Variants in WDPCP observed in about 807,000 individuals in gnomAD.
WDPCP encodes WD repeat-containing and planar cell polarity effector protein fritz homolog.
A neutral mutation model predicts 93.1 loss-of-function variants in WDPCP; 71 were observed. The ratio of observed to expected loss-of-function variants is 0.76; its 90% CI spans 0.63 to 0.93. The LOEUF is 0.93. Among genes scored for constraint, WDPCP ranks in the 40% least tolerant of loss-of-function variants. The probability of loss-of-function intolerance (pLI) is 0.00; values close to 1 mark genes in which losing one functional copy is unlikely to be tolerated. For synonymous variants in WDPCP, 315 were observed against 315.0 expected, an observed-to-expected ratio of 1.00 and a Z score of 0.00; for missense variants, 844 against 887.4, an observed-to-expected ratio of 0.95 and a Z score of 0.62.
intron 14 of WDPCP, among the ~76,000 whole-genome samples, chr2:63,197,694 T>C (rs1014759168): frequency 6.6e-6 from 1 of 152,204 alleles, no homozygotes; most frequent in Non-Finnish European, 1.5e-5. Context: ...AGCCATTATT[T>C]AGCTCCCACT....
rs112993940 is a variant in WDPCP at position 63,548,665 on chromosome 2, C to CT, written c.75+39531dup. Among the ~76,000 whole-genome samples, 165 of 144,552 alleles carry CT rather than the reference C, an allele frequency of 1.1e-3. 2 individuals carry two copies. Among genetic ancestry groups the CT allele is most frequent in the South Asian group, 1.5e-3 (7 of 4,524 alleles). 94.8% of individuals were successfully genotyped at this position (144,552 alleles called of 152,430 possible). On this transcript the variant is annotated intron_variant, in intron 1 of 17. Coordinates refer to ENST00000272321, the MANE Select transcript of WDPCP (RefSeq NM_015910.7). Reference sequence around the variant, plus strand: ...GATCATAAAGAATACATTTTCTTTCCTTTTTTTTTTTTGAGACCGAGCTCT... The same window carrying CT: ...GATCATAAAGAATACATTTTCTTTCCTTTTTTTTTTTTTGAGACCGAGCTCT...
At chr2:63,724,955 TCTC>T (rs1032547842) in intron 2 of WDPCP, among the ~76,000 whole-genome samples, 18 of 152,326 alleles carry the variant, frequency 1.2e-4, no homozygotes, top group African/African-American at 4.3e-4. Flanking sequence ...TCATATCCAT[TCTC>T]CTACGGGATT....
chr2:63,551,112 T>C (rs183486462), intron 1 of WDPCP, among the ~76,000 whole-genome samples: 105 of 152,304 alleles, frequency 6.9e-4, no homozygotes, highest in Non-Finnish European at 1.3e-3. Flanking sequence ...CTCTGAAATA[T>C]CAGCATTTAT....
chr2:63,521,901 G>A (rs777472026), intron 1 of WDPCP, among the ~76,000 whole-genome samples: 3 of 152,080 alleles, frequency 2.0e-5, no homozygotes, highest in Non-Finnish European at 4.4e-5. Context: ...ACAATTGCAT[G>A]GAAATTAAAC....
At chr2:63,421,361 T>C (rs539418541) in intron 9 of WDPCP, among the ~76,000 whole-genome samples, 40 of 152,252 alleles carry the variant, frequency 2.6e-4, no homozygotes, top group African/African-American at 9.6e-4. Context: ...CTAGTTGTTA[T>C]AACAGTCAAC....
Position 63,174,851 on chromosome 2 carries a change from ATG to A in WDPCP, c.1916-21_1916-20del, listed in dbSNP as rs1672121339. The A allele has an allele frequency of 6.2e-7, 1 of 1,611,434 alleles. No individual in the cohort carries two copies. Among genetic ancestry groups the A allele is most frequent in the African/African-American group, 1.3e-5 (1 of 74,988 alleles). On this transcript the variant is annotated intron_variant, in intron 14 of 17. Coordinates refer to ENST00000272321, the MANE Select transcript of WDPCP (RefSeq NM_015910.7). ...AGGAGTTCTGTTGAAAATGATTAAT[ATG>A]TGAGTGAAATACTAAGTACAATTTC...
upstream of WDPCP, among the ~76,000 whole-genome samples, chr2:63,831,612 A>G (rs1312793675): frequency 2.0e-5 from 3 of 152,146 alleles, no homozygotes; most frequent in Non-Finnish European, 4.4e-5. Context: ...TCGTTTTTAA[A>G]CATTTAAATA....
chr2:63,196,554 T>C (rs947106930), intron 14 of WDPCP, among the ~76,000 whole-genome samples: 6 of 152,220 alleles, frequency 3.9e-5, no homozygotes, highest in African/African-American at 1.2e-4. Context: ...GTGAAGGATC[T>C]AAAGCTGGAG....
intron 13 of WDPCP, among the ~76,000 whole-genome samples, chr2:63,262,828 C>T (rs1045564244): frequency 1.3e-5 from 2 of 152,152 alleles, no homozygotes; most frequent in Non-Finnish European, 2.9e-5. Context: ...TTACTCTGCC[C>T]AGGCTAGATT....
chr2:63,458,760 C>G (rs1448339976), intron 6 of WDPCP, among the ~76,000 whole-genome samples: 1 of 151,940 alleles, frequency 6.6e-6, no homozygotes, highest in Non-Finnish European at 1.5e-5. Context: ...AAAAAAGAAC[C>G]CAAACAGCCA....
chr2:63,375,883 C>T (rs1482876018), intron 12 of WDPCP, among the ~76,000 whole-genome samples: 1 of 151,712 alleles, frequency 6.6e-6, no homozygotes, highest in Non-Finnish European at 1.5e-5. Flanking sequence ...TTAGGCACAC[C>T]CCTAATCTCT....
At chr2:63,450,473 C>T (rs896764460) in intron 6 of WDPCP, among the ~76,000 whole-genome samples, 2 of 152,174 alleles carry the variant, frequency 1.3e-5, no homozygotes, top group Non-Finnish European at 2.9e-5. Flanking sequence ...CATGAACCCA[C>T]TCACACACCT....
At chr2:63,159,264 TGGTTTTTTAAAGA>T (rs1192307904) in intron 15 of WDPCP, among the ~76,000 whole-genome samples, 2 of 151,922 alleles carry the variant, frequency 1.3e-5, no homozygotes, top group African/African-American at 2.4e-5. Flanking sequence ...TTTTGTTTGT[TGGTTTTTTAAAGA>T]GATGAGGTGT....
chr2:63,808,876 C>G (rs1414995604), intron 2 of WDPCP, among the ~76,000 whole-genome samples: 1 of 151,794 alleles, frequency 6.6e-6, no homozygotes. Context: ...TGCCCGGCCG[C>G]CATCCCATCT....
intron 17 of WDPCP, among the ~76,000 whole-genome samples, chr2:63,128,757 C>G (rs1002125658): frequency 1.3e-5 from 2 of 152,212 alleles, no homozygotes; most frequent in African/African-American, 4.8e-5. Flanking sequence ...CAACCTCCGC[C>G]TCCTGGGTTC....
At chr2:63,177,840 T>C (rs1268917586) in intron 14 of WDPCP, among the ~76,000 whole-genome samples, 1 of 152,182 alleles carries the variant, frequency 6.6e-6, no homozygotes, top group Non-Finnish European at 1.5e-5. Flanking sequence ...TTGAGACTGA[T>C]GTTACCTGTG....
intron 14 of WDPCP, among the ~76,000 whole-genome samples, chr2:63,202,411 C>T (rs2104341841): frequency 6.6e-6 from 1 of 152,132 alleles, no homozygotes; most frequent in East Asian, 1.9e-4. Flanking sequence ...TTCCCATCAG[C>T]ACTTAAAAAA....
rs558612622 is a variant in WDPCP at position 63,705,552 on chromosome 2, T to C, written n.309-54714A>G. ...CTTTATTTCTGTCTTCATTTCGTTA[T>C]GTACCAAGTAGTCATTCAGGAGCAG... On this transcript the variant is annotated intron_variant and non_coding_transcript_variant, in intron 2 of 4. Coordinates refer to the WDPCP transcript ENST00000467687. 3.2e-4 allele frequency among the ~76,000 whole-genome samples: 49 copies of C among 152,364 alleles called. 1 individual carries two copies. The Middle Eastern group carries it at 0.02, about 63-fold the overall frequency.
intron 1 of WDPCP, among the ~76,000 whole-genome samples, chr2:63,574,055 A>C (rs527642346): frequency 2.6e-5 from 4 of 152,288 alleles, no homozygotes; most frequent in African/African-American, 7.2e-5. Context: ...TGTGTGCCCG[A>C]AACTTCATTA....
Sources: allele counts gnomAD v4.1 joint callset (sites outside exome capture counted in the v4.1 genomes callset), GRCh38; gene constraint gnomAD v4.1.1; transcripts MANE v1.5; gene names NCBI Gene and HGNC (gene_info 2026-07-23, HGNC 2026-07-21).